Variants in NFIC observed in about 807,000 individuals in gnomAD.
NFIC encodes nuclear factor 1 C-type.
A neutral mutation model predicts 54.4 loss-of-function variants in NFIC; 12 were observed. The observed-to-expected ratio is 0.22, with a 90% confidence interval of 0.14 to 0.36. The LOEUF (loss-of-function observed/expected upper bound fraction) is 0.36. Ranked by LOEUF, NFIC falls within the 10% of genes least tolerant of loss-of-function variation. The probability of loss-of-function intolerance (pLI) is 1.00; values close to 1 mark genes in which losing one functional copy is unlikely to be tolerated. For synonymous variants in NFIC, 322 were observed against 319.2 expected (o/e 1.01, Z -0.09); for missense variants, 575 against 718.2 (o/e 0.80, Z 2.28).
At chr19:3,407,693 C>G (rs1280352365) in intron 2 of NFIC, among the ~76,000 whole-genome samples, 1 of 152,018 alleles carries the variant, frequency 6.6e-6, no homozygotes, top group Non-Finnish European at 1.5e-5. Context: ...CTTGGCCTCC[C>G]AAAGTGCTGG....
At chr19:3,401,436 G>A (rs555573224) in intron 2 of NFIC, among the ~76,000 whole-genome samples, 3 of 152,188 alleles carry the variant, frequency 2.0e-5, no homozygotes, top group African/African-American at 4.8e-5. Flanking sequence ...CAACTCCGAC[G>A]GTGTGAGGAT....
At chr19:3,404,780 C>G (rs1270162163) in intron 2 of NFIC, among the ~76,000 whole-genome samples, 1 of 152,234 alleles carries the variant, frequency 6.6e-6, no homozygotes, top group Non-Finnish European at 1.5e-5. Flanking sequence ...GTCCCCAGCA[C>G]GGGGCGAGTC....
rs57508399 is a variant in NFIC at position 3,451,812 on chromosome 19, T to TAA, written c.1085-654_1085-653dup. ...GAAGGCCACCCTGTCATCCTCTGTT[T>TAA]AAAAAAAAAAAAAAAAAGACGGGGC... On this transcript the variant is annotated intron_variant, in intron 7 of 10. Transcript: ENST00000443272. Among the ~76,000 whole-genome samples the TAA allele has an allele frequency of 5.0e-3, 668 of 133,552 alleles. 6 individuals carry two copies. Among genetic ancestry groups the TAA allele is most frequent in the Non-Finnish European group, 8.4e-3 (530 of 63,234 alleles). 87.6% of individuals were successfully genotyped at this position (133,552 alleles called of 152,430 possible). A position where few individuals can be genotyped will look rare whatever the true frequency, so the allele number is the denominator to read the frequency against.
chr19:3,405,880 C>T (rs1351405708), intron 2 of NFIC, among the ~76,000 whole-genome samples: 2 of 150,580 alleles, frequency 1.3e-5, no homozygotes, highest in Non-Finnish European at 3.0e-5. Context: ...TGGGATTATA[C>T]GTGTGAGCCA....
intron 2 of NFIC, among the ~76,000 whole-genome samples, chr19:3,394,514 T>TCCCCCCCCCCCCCCCCCC (rs199958298): frequency 1.2e-4 from 3 of 25,232 alleles, no homozygotes; most frequent in Non-Finnish European, 2.0e-4. Flanking sequence ...TATGATCTTT[T>TCCCCCCCCCCCCCCCCCC]CCCCACCCAC....
At chr19:3,418,715 G>A (rs1026077829) in intron 2 of NFIC, among the ~76,000 whole-genome samples, 4 of 152,124 alleles carry the variant, frequency 2.6e-5, no homozygotes, top group Non-Finnish European at 5.9e-5. Context: ...AGCCAGGTGT[G>A]GTGGCAGGAG....
intron 2 of NFIC, among the ~76,000 whole-genome samples, chr19:3,386,631 G>A (rs978900057): frequency 3.3e-4 from 50 of 151,550 alleles, no homozygotes; most frequent in African/African-American, 1.1e-3. Context: ...CCTGTTGTAC[G>A]CATTTTACAG....
chr19:3,422,372 G>T (rs989892663), intron 2 of NFIC, among the ~76,000 whole-genome samples: 7 of 151,464 alleles, frequency 4.6e-5, no homozygotes, highest in Non-Finnish European at 7.4e-5. Context: ...CTGTGCCACT[G>T]CCCCTGGCTT....
intron 10 of NFIC, among the ~76,000 whole-genome samples, chr19:3,457,457 T>C (rs979118120): frequency 6.6e-6 from 1 of 151,960 alleles, no homozygotes; most frequent in African/African-American, 2.4e-5. Context: ...CCCACCCCCA[T>C]AAGGGGCTCT....
At chr19:3,421,353 A>C (rs2081950840) in intron 2 of NFIC, among the ~76,000 whole-genome samples, 1 of 152,194 alleles carries the variant, frequency 6.6e-6, no homozygotes, top group African/African-American at 2.4e-5. Flanking sequence ...TGGCGCCCGG[A>C]CGGCCGGCTG....
chr19:3,383,750 G>C (rs187090548), intron 2 of NFIC, among the ~76,000 whole-genome samples: 1 of 152,184 alleles, frequency 6.6e-6, no homozygotes, highest in African/African-American at 2.4e-5. Flanking sequence ...ACCCACACAG[G>C]TCACCAGCCC....
chr19:3,381,879 C>T lies in NFIC; in HGVS notation c.198C>T (p.Pro66=), dbSNP rs761368544. 8.7e-6 allele frequency: 14 copies of T among 1,613,864 alleles called. No homozygotes were observed. Among genetic ancestry groups the T allele is most frequent in the Non-Finnish European group, 1.0e-5 (12 of 1,179,970 alleles). ...AGGACGAGCTGCTGGGCGAGAAGCC[C>T]GAGGTCAAGCAGAAGTGGGCGTCGC... ...AVKDELLGEK[P]EVKQKWASRL... Residue 66 remains proline (P), a synonymous_variant, in exon 2 of 11, where the codon CCC becomes CCT. Transcript: ENST00000443272.
At chr19:3,412,141 G>C (rs1405799388) in intron 2 of NFIC, among the ~76,000 whole-genome samples, 1 of 152,198 alleles carries the variant, frequency 6.6e-6, no homozygotes, top group Non-Finnish European at 1.5e-5. Flanking sequence ...GGAATGCAGT[G>C]GTGCGATCAT....
At chr19:3,430,932 A>C (rs2082109930) in intron 3 of NFIC, among the ~76,000 whole-genome samples, 1 of 107,080 alleles carries the variant, frequency 9.3e-6, no homozygotes, top group African/African-American at 4.4e-5. Context: ...ACTCCGTCTC[A>C]AAAAAAAAAA....
chr19:3,366,697 C>A (rs775689084), intron 1 of NFIC, 31 bp downstream of exon 1: 2 of 1,332,664 alleles, frequency 1.5e-6, no homozygotes, highest in South Asian at 3.7e-5. Flanking sequence ...CCCGCCGGCG[C>A]CCCCGCGCCC....
rs1784001068 is a variant in NFIC, at chr19:3,458,227, AT to A, written c.1509+1595del. 6.6e-6 allele frequency among the ~76,000 whole-genome samples: 1 copy of A among 152,068 alleles called. No homozygotes were observed. Among genetic ancestry groups the A allele is most frequent in the Non-Finnish European group, 1.5e-5 (1 of 67,992 alleles). ...GACGTCCAGGACTCCTCGCTTTGGG[AT>A]TTGGGCCCCCTATGGCCAACCTCTC... On this transcript the variant is annotated intron_variant, in intron 10 of 10. Transcript: ENST00000443272. The surrounding 1 kb of genome is among the most constrained non-coding windows in gnomAD (Gnocchi z 4.1).
chr19:3,452,382 G>T lies in NFIC; in HGVS notation c.1085-100G>T. ...TGGTTATTGTTACTAAACGCACTGA[G>T]ATGCCGGCAGGAATGACACCCACAG... On this transcript the variant is annotated intron_variant, in intron 7 of 10. Transcript: ENST00000443272. The surrounding 1 kb of genome is among the most constrained non-coding windows in gnomAD (Gnocchi z 5.3). 1 of 1,465,522 alleles carries T rather than the reference G, an allele frequency of 6.8e-7. No individual in the cohort carries two copies. Among genetic ancestry groups the T allele is most frequent in the East Asian group, 2.3e-5 (1 of 43,208 alleles). The allele number at this position is 1,465,522 out of a possible 1,614,324, so 90.8% of individuals were successfully genotyped here. A position where few individuals can be genotyped will look rare whatever the true frequency, so the allele number is the denominator to read the frequency against.
chr19:3,384,339 G>A (rs2081259167), intron 2 of NFIC, among the ~76,000 whole-genome samples: 1 of 151,346 alleles, frequency 6.6e-6, no homozygotes, highest in South Asian at 2.1e-4. Flanking sequence ...AGTGTTAGAA[G>A]TACAGCAGGC....
chr19:3,435,961 G>T (rs2082195772), intron 6 of NFIC, among the ~76,000 whole-genome samples: 1 of 148,934 alleles, frequency 6.7e-6, no homozygotes, highest in Admixed American at 6.7e-5. Context: ...CAAGTAACTG[G>T]GATTACAGGC....
Sources: gnomAD v4.1 joint callset for allele counts (sites outside exome capture counted in the v4.1 genomes callset) on GRCh38, gnomAD v4.1.1 for gene constraint, Gnocchi (gnomAD v3.1) non-coding constraint, MANE v1.5 for transcripts, NCBI Gene and HGNC (gene_info 2026-07-23, HGNC 2026-07-21) for gene names.